The following GPHN variants were observed in gnomAD, a reference collection of about 807,000 sequenced individuals.
GPHN encodes gephyrin.
A neutral mutation model predicts 95.5 loss-of-function variants in GPHN; 17 were observed. That is an observed-to-expected ratio of 0.18 (90% confidence interval 0.12 to 0.27). GPHN has a LOEUF of 0.27. Among genes scored for constraint, GPHN ranks in the 10% least tolerant of loss-of-function variants. GPHN has a pLI of 1.00. For missense variants in GPHN, 660 were observed against 978.1 expected (o/e 0.67, Z 4.34); for synonymous variants, 320 against 322.5 (o/e 0.99, Z 0.08).
chr14:67,725,321 C>T, the GPHN span: 1 of 1,495,444 alleles, frequency 6.7e-7, no homozygotes, highest in East Asian at 2.3e-5. Context: ...CCACCCTAGA[C>T]CATCTATGGC....
At chr14:66,674,556 C>T (rs76977308) in intron 1 of GPHN, among the ~76,000 whole-genome samples, 2,028 of 152,314 alleles carry the variant, frequency 0.013, 21 homozygotes, top group Middle Eastern at 0.02. Flanking sequence ...TGCATGAGAA[C>T]ATGCAGTATT....
chr14:67,275,796 A>G, the GPHN span, among the ~76,000 whole-genome samples: 1 of 152,062 alleles, frequency 6.6e-6, no homozygotes, highest in African/African-American at 2.4e-5. Flanking sequence ...CCTCAATTTC[A>G]GAGCTATTAT....
At chr14:67,174,613 G>A (rs533710378) in intron 21 of GPHN, among the ~76,000 whole-genome samples, 1 of 152,272 alleles carries the variant, frequency 6.6e-6, no homozygotes, top group South Asian at 2.1e-4. Flanking sequence ...GGATGGCTGG[G>A]TCAAATGGTA....
At chr14:66,577,258 T>G (rs889700806) in intron 1 of GPHN, among the ~76,000 whole-genome samples, 5 of 152,270 alleles carry the variant, frequency 3.3e-5, no homozygotes, top group East Asian at 3.9e-4. Context: ...TGGAAGGAAC[T>G]GTACAAAGTT....
the GPHN span, among the ~76,000 whole-genome samples, chr14:67,732,693 C>T: frequency 6.6e-6 from 1 of 152,146 alleles, no homozygotes; most frequent in Non-Finnish European, 1.5e-5. Flanking sequence ...TCTCCTGCAT[C>T]AGCCTCCCAA....
chr14:66,550,705 T>C (rs866713643), intron 1 of GPHN, among the ~76,000 whole-genome samples: 1 of 152,096 alleles, frequency 6.6e-6, no homozygotes, highest in Non-Finnish European at 1.5e-5. Context: ...TTTTAAGAAA[T>C]TGCCACAGCC....
At chr14:67,732,475 C>T in the GPHN span, among the ~76,000 whole-genome samples, 2 of 141,596 alleles carry the variant, frequency 1.4e-5, no homozygotes, top group East Asian at 2.3e-4. Flanking sequence ...AGTATGATCC[C>T]GGTTTTATGT....
the GPHN span, chr14:67,374,329 G>A: frequency 4.2e-6 from 2 of 473,568 alleles, no homozygotes; most frequent in East Asian, 3.0e-5. Context: ...TAATACTTAT[G>A]CAGTATTTTG....
At chr14:67,232,792 A>G in the GPHN span, among the ~76,000 whole-genome samples, 1 of 152,210 alleles carries the variant, frequency 6.6e-6, no homozygotes, top group Non-Finnish European at 1.5e-5. Flanking sequence ...AACTGTTCTC[A>G]GCTCTCCAGT....
At chr14:67,200,104 A>C in the GPHN span, 1 of 1,034,008 alleles carries the variant, frequency 9.7e-7, no homozygotes, top group East Asian at 2.4e-5. Context: ...ACCTCCTCCA[A>C]TGGGCATGCC....
At chr14:66,513,549 T>A (rs1370905958) in intron 1 of GPHN, among the ~76,000 whole-genome samples, 1 of 151,676 alleles carries the variant, frequency 6.6e-6, no homozygotes, top group East Asian at 1.9e-4. Flanking sequence ...TGAAGCATAT[T>A]TGGAATTTGA....
chr14:67,236,207 T>C, the GPHN span, among the ~76,000 whole-genome samples: 1 of 152,152 alleles, frequency 6.6e-6, no homozygotes. Context: ...TGAAATTTTG[T>C]ATCCTTTGAC....
rs566493976 is a variant in GPHN at position 66,855,214 on chromosome 14, C to T, written c.295-24725C>T. On this transcript the variant is annotated intron_variant, in intron 4 of 22. Transcript: ENST00000478722. The stretch of plus-strand genomic sequence containing the variant: ...TATATTCACAATGTTGTACAATTAT[C>T]ACTACTACCTGTTTTTAAAACTTTT... Among the ~76,000 whole-genome samples, 3 of 152,238 alleles carry T rather than the reference C, an allele frequency of 2.0e-5. No individual in the cohort carries two copies. In the East Asian group the frequency reaches 5.8e-4, roughly 29 times the overall value.
the GPHN span, among the ~76,000 whole-genome samples, chr14:67,711,137 A>G: frequency 6.6e-6 from 1 of 152,252 alleles, no homozygotes; most frequent in Non-Finnish European, 1.5e-5. Flanking sequence ...GGACTAGACC[A>G]CCTAAAGCCA....
chr14:66,887,314 G>A (rs2064246324), intron 5 of GPHN, among the ~76,000 whole-genome samples: 1 of 152,182 alleles, frequency 6.6e-6, no homozygotes, highest in Admixed American at 6.5e-5. Context: ...ACCTGGCCAG[G>A]CATGGTGGCT....
At chr14:67,382,676 G>T in the GPHN span, 1 of 1,484,294 alleles carries the variant, frequency 6.7e-7, no homozygotes, top group South Asian at 1.1e-5. Flanking sequence ...GTCGGCCTTG[G>T]AATGTCATAT....
At chr14:67,231,214 A>T in the GPHN span, among the ~76,000 whole-genome samples, 1 of 152,220 alleles carries the variant, frequency 6.6e-6, no homozygotes, top group African/African-American at 2.4e-5. Context: ...TTTAGGAGAC[A>T]AAACTAATTT....
At chr14:67,065,387 T>C (rs1300670556) in intron 11 of GPHN, among the ~76,000 whole-genome samples, 1 of 152,222 alleles carries the variant, frequency 6.6e-6, no homozygotes, top group South Asian at 2.1e-4. Flanking sequence ...TGCAATGTGG[T>C]GCTGAGAAGA....
the GPHN span, among the ~76,000 whole-genome samples, chr14:67,682,884 A>C: frequency 6.6e-6 from 1 of 152,260 alleles, no homozygotes; most frequent in African/African-American, 2.4e-5. Flanking sequence ...ATACAATGAA[A>C]TGTTATCCAG....
Sources: gnomAD v4.1 joint callset for allele counts (sites outside exome capture counted in the v4.1 genomes callset) on GRCh38, gnomAD v4.1.1 for gene constraint, MANE v1.5 for transcripts, NCBI Gene and HGNC (gene_info 2026-07-23, HGNC 2026-07-21) for gene names.